Variants in ESR1 observed in about 807,000 individuals in gnomAD.
ESR1 encodes estrogen receptor 1.
A neutral mutation model predicts 52.7 loss-of-function variants in ESR1; 12 were observed. That is an observed-to-expected ratio of 0.23 (90% CI 0.15 to 0.37). The LOEUF (loss-of-function observed/expected upper bound fraction) is 0.37. Ranked by LOEUF, ESR1 falls within the 10% of genes least tolerant of loss-of-function variation. The probability of loss-of-function intolerance (pLI) is 1.00; values close to 1 mark genes in which losing one functional copy is unlikely to be tolerated. For synonymous variants in ESR1, 305 were observed against 316.8 expected, an observed-to-expected ratio of 0.96 and a Z score of 0.39; for missense variants, 584 against 779.7, an observed-to-expected ratio of 0.75 and a Z score of 2.99.
chr6:151,956,798 A>G lies in ESR1; in HGVS notation c.1096+12290A>G, dbSNP rs568703083. 3.5e-3 allele frequency among the ~76,000 whole-genome samples: 492 copies of G among 141,044 alleles called. 2 individuals carry two copies. Among genetic ancestry groups the G allele is most frequent in the South Asian group, 6.1e-3 (28 of 4,594 alleles). 92.5% of individuals were successfully genotyped at this position (141,044 alleles called of 152,430 possible). A position where few individuals can be genotyped will look rare whatever the true frequency, so the allele number is the denominator to read the frequency against. On this transcript the variant is annotated intron_variant, in intron 4 of 7. Transcript: ENST00000206249. ...AATACATGTCTGTATACATACATAT[A>G]TATGTAAATATAAATATATATAAAA...
chr6:152,027,393 T>C (rs183818812), intron 5 of ESR1, among the ~76,000 whole-genome samples: 272 of 152,352 alleles, frequency 1.8e-3, no homozygotes, highest in Non-Finnish European at 9.6e-4. Flanking sequence ...AATGTCCACC[T>C]TCAGATTATA....
Position 152,011,783 on chromosome 6 carries a change from G to A in ESR1, c.1224G>A (p.Leu408=), listed in dbSNP as rs1204037793. The A allele has an allele frequency of 6.2e-7, 1 of 1,612,922 alleles. No individual in the cohort carries two copies. The highest frequency in any genetic ancestry group is 1.3e-5 in the African/African-American group (1 of 74,902). Reference sequence around the variant, plus strand: ...GGAAGCTACTGTTTGCTCCTAACTTGCTCTTGGACAGGTAAGTGACCTGGC... The same window carrying A: ...GGAAGCTACTGTTTGCTCCTAACTTACTCTTGGACAGGTAAGTGACCTGGC... ...HPGKLLFAPN[L]LLDRNQGKCV... The change falls in exon 5 of 8, where the codon TTG becomes TTA. Residue 408 remains leucine (L), a synonymous_variant. Transcript: ENST00000206249.
intron 2 of ESR1, among the ~76,000 whole-genome samples, chr6:151,793,101 G>T (rs1776349429): frequency 6.6e-6 from 1 of 151,782 alleles, no homozygotes; most frequent in Non-Finnish European, 1.5e-5. Flanking sequence ...AACCCAGGAG[G>T]CGGAGCTTGC....
rs58440257 is a variant in ESR1, at chr6:151,808,410, A to AGGAGGGAG, written c.452+63_452+70dup. 117 of 305,280 alleles carry AGGAGGGAG rather than the reference A, an allele frequency of 3.8e-4. 1 individual carries two copies. The East Asian group carries it at 0.01, about 26-fold the overall frequency. 18.9% of individuals were successfully genotyped at this position (305,280 alleles called of 1,614,324 possible). A position where few individuals can be genotyped will look rare whatever the true frequency, so the allele number is the denominator to read the frequency against. ...CGTCGGGGTGGCCGCCGCGCCCGGC[A>AGGAGGGAG]GGAGGGAGGGAGGGAGGGAGGGAGA... On this transcript the variant is annotated intron_variant, in intron 1 of 7. Transcript: ENST00000206249.
At chr6:151,993,244 T>C (rs2041186591) in intron 4 of ESR1, among the ~76,000 whole-genome samples, 1 of 152,130 alleles carries the variant, frequency 6.6e-6, no homozygotes, top group Non-Finnish European at 1.5e-5. Flanking sequence ...AGAAAACATC[T>C]TGAACTCTGT....
intron 7 of ESR1, among the ~76,000 whole-genome samples, chr6:152,095,932 C>G (rs2050575004): frequency 6.6e-6 from 1 of 152,186 alleles, no homozygotes; most frequent in Non-Finnish European, 1.5e-5. Flanking sequence ...GGAAGGACAT[C>G]AGCAGACAAA....
At chr6:151,841,362 C>T (rs1346626950) in intron 1 of ESR1, among the ~76,000 whole-genome samples, 1 of 152,164 alleles carries the variant, frequency 6.6e-6, no homozygotes, top group Non-Finnish European at 1.5e-5. Flanking sequence ...TGAATTTTGG[C>T]TTGTGCCTGT....
At chr6:151,793,787 C>A (rs993102422) in intron 2 of ESR1, among the ~76,000 whole-genome samples, 3 of 152,124 alleles carry the variant, frequency 2.0e-5, no homozygotes, top group Non-Finnish European at 2.9e-5. Context: ...CTGGAAGTGA[C>A]CTCGAAGTCT....
At chr6:151,723,802 C>T (rs958988536) in intron 2 of ESR1, among the ~76,000 whole-genome samples, 4 of 151,782 alleles carry the variant, frequency 2.6e-5, no homozygotes, top group East Asian at 1.9e-4. Context: ...CCCGGGAGGC[C>T]GAGGTTGCAG....
intron 2 of ESR1, among the ~76,000 whole-genome samples, chr6:151,707,574 A>G (rs1325503629): frequency 6.6e-6 from 1 of 152,100 alleles, no homozygotes; most frequent in African/African-American, 2.4e-5. Flanking sequence ...TTTATTTAAC[A>G]TTAGAATTTA....
chr6:151,853,169 C>CA (rs386408969), intron 2 of ESR1, among the ~76,000 whole-genome samples: 12,439 of 43,070 alleles, frequency 0.29, 3,535 homozygotes, highest in Non-Finnish European at 0.34. Flanking sequence ...AGACTCGTCT[C>CA]AAAAAAAAAA....
At chr6:152,024,923 G>A (rs2044006355) in intron 5 of ESR1, among the ~76,000 whole-genome samples, 1 of 151,170 alleles carries the variant, frequency 6.6e-6, no homozygotes, top group Admixed American at 6.6e-5. Flanking sequence ...CATATTGTCT[G>A]CAAATAGAGA....
chr6:152,096,260 A>G (rs1471556890), intron 7 of ESR1, among the ~76,000 whole-genome samples: 1 of 152,162 alleles, frequency 6.6e-6, no homozygotes, highest in Non-Finnish European at 1.5e-5. Flanking sequence ...GACCCTAGGA[A>G]TGAAAGAGAT....
chr6:151,775,553 C>T (rs1168466738), intron 2 of ESR1, among the ~76,000 whole-genome samples: 1 of 152,036 alleles, frequency 6.6e-6, no homozygotes, highest in Non-Finnish European at 1.5e-5. Context: ...CGAGACCATC[C>T]TGGCTAACAC....
chr6:152,011,874 T>A (rs1269966028), intron 5 of ESR1, 80 bp downstream of exon 5: 70 of 1,490,042 alleles, frequency 4.7e-5, no homozygotes, highest in Non-Finnish European at 5.5e-6. Flanking sequence ...TATTCATCTC[T>A]CGGTGAAGCT....
At chr6:151,721,343 A>T (rs1360168589) in intron 2 of ESR1, among the ~76,000 whole-genome samples, 1 of 152,306 alleles carries the variant, frequency 6.6e-6, no homozygotes, top group South Asian at 2.1e-4. Context: ...GGGAGTACAC[A>T]GATCACTCAA....
intron 1 of ESR1, among the ~76,000 whole-genome samples, chr6:151,700,776 A>C (rs1313061331): frequency 2.6e-5 from 4 of 151,940 alleles, no homozygotes; most frequent in Non-Finnish European, 4.4e-5. Flanking sequence ...CAGATGGAAA[A>C]ACAAAGTTAA....
intron 4 of ESR1, among the ~76,000 whole-genome samples, chr6:151,983,133 A>G (rs556813140): frequency 1.3e-5 from 2 of 152,266 alleles, no homozygotes; most frequent in African/African-American, 4.8e-5. Context: ...TGGATAGTAC[A>G]GCTTTAGAAT....
chr6:151,704,379 C>T (rs1780024970), intron 2 of ESR1, among the ~76,000 whole-genome samples: 1 of 152,146 alleles, frequency 6.6e-6, no homozygotes, highest in East Asian at 1.9e-4. Context: ...GCTGGGATTA[C>T]AGGTGCCCGC....
Sources: gnomAD v4.1 joint callset for allele counts (sites outside exome capture counted in the v4.1 genomes callset) on GRCh38, gnomAD v4.1.1 for gene constraint, MANE v1.5 for transcripts, NCBI Gene and HGNC (gene_info 2026-07-23, HGNC 2026-07-21) for gene names.